UGT2B4: variants seen among roughly 807,000 people sequenced by gnomAD.
The protein encoded by UGT2B4 is UDP-glucuronosyltransferase 2B4.
A neutral mutation model predicts 49.8 loss-of-function variants in UGT2B4; 49 were observed. The ratio of observed to expected loss-of-function variants is 0.98; its 90% CI spans 0.78 to 1.25. The LOEUF (loss-of-function observed/expected upper bound fraction) is 1.25, where lower values mean the gene tolerates loss of function less well. UGT2B4 is among the 50% of genes most tolerant of loss of function. The pLI, the probability that UGT2B4 is intolerant of heterozygous loss-of-function variation, is 0.00. For missense variants in UGT2B4, 729 were observed against 627.7 expected, an observed-to-expected ratio of 1.16 and a Z score of -1.73; for synonymous variants, 246 against 217.7, an observed-to-expected ratio of 1.13 and a Z score of -1.14.
intron 4 of UGT2B4, among the ~76,000 whole-genome samples, chr4:69,485,808 G>A (rs921136935): frequency 2.6e-5 from 4 of 152,128 alleles, no homozygotes; most frequent in Admixed American, 2.0e-4. Context: ...GTTGCCCAGG[G>A]TGGAGTGCAG....
intron 2 of UGT2B4, 82 bp downstream of exon 2, chr4:69,493,611 G>T: frequency 6.8e-7 from 1 of 1,474,720 alleles, no homozygotes; most frequent in Non-Finnish European, 9.0e-7. Context: ...CTTTCTTCCA[G>T]TGTAAGTCAA....
At chr4:69,511,640 C>T (rs940077397) in intron 1 of UGT2B4, among the ~76,000 whole-genome samples, 1 of 151,888 alleles carries the variant, frequency 6.6e-6, no homozygotes, top group Non-Finnish European at 1.5e-5. Context: ...CTATTTCTGT[C>T]GCGTGTTTGT....
intron 1 of UGT2B4, among the ~76,000 whole-genome samples, chr4:69,516,359 C>T (rs72848481): frequency 0.21 from 31,342 of 152,068 alleles, 3,393 homozygotes; most frequent in Middle Eastern, 0.27. Context: ...GTAATGGGAA[C>T]GCTGAGTCAA....
intron 1 of UGT2B4, among the ~76,000 whole-genome samples, chr4:69,505,594 T>G (rs1728447037): frequency 6.6e-6 from 1 of 152,122 alleles, no homozygotes; most frequent in Non-Finnish European, 1.5e-5. Flanking sequence ...GCAAAGAGAC[T>G]TAGACTCCCA....
intron 3 of UGT2B4, among the ~76,000 whole-genome samples, chr4:69,488,858 G>A (rs1344643455): frequency 1.3e-5 from 2 of 151,858 alleles, no homozygotes; most frequent in East Asian, 1.9e-4. Flanking sequence ...CTAGCTCTGC[G>A]GATCCTTACA....
chr4:69,522,769 A>G (rs1728877838), intron 1 of UGT2B4, among the ~76,000 whole-genome samples: 1 of 152,170 alleles, frequency 6.6e-6, no homozygotes, highest in Non-Finnish European at 1.5e-5. Flanking sequence ...AGTTCTCTTT[A>G]GCATGCAATA....
At chr4:69,516,882 T>C (rs1038781631) in intron 1 of UGT2B4, among the ~76,000 whole-genome samples, 6 of 151,896 alleles carry the variant, frequency 4.0e-5, no homozygotes, top group African/African-American at 1.5e-4. Flanking sequence ...GCTTCTTTTT[T>C]TTTTTCTTTT....
chr4:69,491,713 T>A (rs1243345736), intron 2 of UGT2B4, among the ~76,000 whole-genome samples: 1 of 152,128 alleles, frequency 6.6e-6, no homozygotes, highest in Non-Finnish European at 1.5e-5. Flanking sequence ...CTTCCACACC[T>A]CGTACTCTCT....
chr4:69,499,314 G>A (rs185638155), upstream of UGT2B4, among the ~76,000 whole-genome samples: 16 of 152,242 alleles, frequency 1.1e-4, no homozygotes, highest in East Asian at 9.7e-4. Context: ...AGTGCAATGC[G>A]GTACAAAGAA....
At chr4:69,510,858 G>T (rs1210055243) in intron 1 of UGT2B4, among the ~76,000 whole-genome samples, 1 of 152,026 alleles carries the variant, frequency 6.6e-6, no homozygotes, top group Non-Finnish European at 1.5e-5. Flanking sequence ...TGGAATAGAA[G>T]TAGCAAGAGT....
At chr4:69,525,110 T>C (rs571741113) in intron 1 of UGT2B4, among the ~76,000 whole-genome samples, 3 of 152,290 alleles carry the variant, frequency 2.0e-5, no homozygotes, top group East Asian at 3.9e-4. Context: ...ACAGGAAAAA[T>C]AACCAAGTAT....
At chr4:69,504,406 C>G (rs1347219912) in intron 1 of UGT2B4, among the ~76,000 whole-genome samples, 7 of 151,988 alleles carry the variant, frequency 4.6e-5, no homozygotes, top group African/African-American at 1.2e-4. Context: ...AAGAATGTAA[C>G]CAATCTGATA....
At chr4:69,524,489 A>T (rs1728926661) in intron 1 of UGT2B4, among the ~76,000 whole-genome samples, 1 of 151,898 alleles carries the variant, frequency 6.6e-6, no homozygotes, top group Admixed American at 6.6e-5. Flanking sequence ...ATATGGGCAT[A>T]ATTTGTGACA....
chr4:69,525,341 C>T (rs1401053432), intron 1 of UGT2B4, among the ~76,000 whole-genome samples: 1 of 152,072 alleles, frequency 6.6e-6, no homozygotes, highest in Non-Finnish European at 1.5e-5. Context: ...TTTGTGAATA[C>T]TGACTGCATC....
intron 1 of UGT2B4, among the ~76,000 whole-genome samples, chr4:69,512,211 C>A (rs1254839323): frequency 4.0e-5 from 6 of 151,194 alleles, no homozygotes; most frequent in African/African-American, 1.5e-4. Flanking sequence ...TTTCTTGGCT[C>A]TTTTATGTGT....
intron 5 of UGT2B4, 149 bp downstream of exon 5, chr4:69,485,059 C>G: frequency 1.1e-6 from 1 of 925,020 alleles, no homozygotes; most frequent in East Asian, 2.9e-5. Context: ...TTTAAATAAC[C>G]ACTCAAAAAT....
At chr4:69,515,682 G>A (rs1266788866) in intron 1 of UGT2B4, among the ~76,000 whole-genome samples, 1 of 152,026 alleles carries the variant, frequency 6.6e-6, no homozygotes, top group African/African-American at 2.4e-5. Flanking sequence ...AGGAGATACA[G>A]ACGTGAAAAA....
chr4:69,514,891 C>G (rs1728690761), intron 1 of UGT2B4, among the ~76,000 whole-genome samples: 3 of 152,056 alleles, frequency 2.0e-5, no homozygotes, highest in African/African-American at 7.2e-5. Context: ...GGTTGCAGTC[C>G]TAGTTTAAAC....
At chr4:69,510,351 C>A (rs1443310447) in intron 1 of UGT2B4, among the ~76,000 whole-genome samples, 1 of 152,056 alleles carries the variant, frequency 6.6e-6, no homozygotes, top group Non-Finnish European at 1.5e-5. Context: ...CTTTAATGAG[C>A]AGTCATGGCT....
Sources: gnomAD v4.1 joint callset for allele counts (sites outside exome capture counted in the v4.1 genomes callset) on GRCh38, gnomAD v4.1.1 for gene constraint, MANE v1.5 for transcripts, NCBI Gene and HGNC (gene_info 2026-07-23, HGNC 2026-07-21) for gene names.